The following ASH1L variants were observed in gnomAD, a reference collection of about 807,000 sequenced individuals.
The protein encoded by ASH1L is histone-lysine N-methyltransferase ASH1L.
Under a neutral mutation model 269.0 loss-of-function variants are expected in ASH1L, and 23 were observed. The ratio of observed to expected loss-of-function variants is 0.09; its 90% CI spans 0.06 to 0.12. The LOEUF (loss-of-function observed/expected upper bound fraction) is 0.12, where lower values mean the gene tolerates loss of function less well. Ranked by LOEUF, ASH1L falls within the 10% of genes least tolerant of loss-of-function variation. ASH1L has a pLI of 1.00. For synonymous variants in ASH1L, 1,187 were observed against 1,253.5 expected, an observed-to-expected ratio of 0.95 and a Z score of 1.12; for missense variants, 2,912 against 3,567.8, an observed-to-expected ratio of 0.82 and a Z score of 4.68.
chr1:155,543,822 C>G (rs953249516), intron 1 of ASH1L, among the ~76,000 whole-genome samples: 18 of 151,930 alleles, frequency 1.2e-4, no homozygotes, highest in African/African-American at 4.1e-4. Context: ...GTCCCAGCTA[C>G]TTGGCAGGGG....
chr1:155,476,804 C>T (rs1341120985), intron 3 of ASH1L, among the ~76,000 whole-genome samples: 2 of 152,014 alleles, frequency 1.3e-5, no homozygotes, highest in Non-Finnish European at 2.9e-5. Flanking sequence ...CCGCCCACCT[C>T]GGCCTCCCAA....
intron 7 of ASH1L, among the ~76,000 whole-genome samples, chr1:155,387,907 G>A (rs541981736): frequency 1.3e-5 from 2 of 152,162 alleles, no homozygotes; most frequent in Non-Finnish European, 2.9e-5. Context: ...TTGTGAATGA[G>A]AGTTCAATCA....
At chr1:155,458,721 C>A (rs896497667) in intron 4 of ASH1L, among the ~76,000 whole-genome samples, 1 of 146,616 alleles carries the variant, frequency 6.8e-6, no homozygotes, top group Non-Finnish European at 1.5e-5. Flanking sequence ...ATCTCAAAAC[C>A]AACCAACCAA....
intron 1 of ASH1L, among the ~76,000 whole-genome samples, chr1:155,526,906 T>C (rs1669299535): frequency 6.6e-6 from 1 of 152,178 alleles, no homozygotes; most frequent in African/African-American, 2.4e-5. Context: ...ATATCTCTCA[T>C]GGAAGAAAAT....
chr1:155,523,892 T>C (rs1230822346), intron 1 of ASH1L, among the ~76,000 whole-genome samples: 2 of 152,118 alleles, frequency 1.3e-5, no homozygotes, highest in East Asian at 3.9e-4. Flanking sequence ...TTAGTAGTAG[T>C]AGGAGCAGCA....
intron 17 of ASH1L, among the ~76,000 whole-genome samples, chr1:155,350,568 A>G (rs1653808005): frequency 6.6e-6 from 1 of 152,192 alleles, no homozygotes; most frequent in South Asian, 2.1e-4. Context: ...AATAGCAAAA[A>G]GAATATCTTA....
intron 3 of ASH1L, among the ~76,000 whole-genome samples, chr1:155,474,127 C>T (rs1166090379): frequency 6.6e-6 from 1 of 152,076 alleles, no homozygotes; most frequent in East Asian, 1.9e-4. Context: ...AGCCATTGTG[C>T]CTGGTCTAGT....
chr1:155,349,478 G>A lies in ASH1L; in HGVS notation c.7422-19C>T, dbSNP rs753975512. 6 of 1,613,876 alleles carry A rather than the reference G, an allele frequency of 3.7e-6. No individual in the cohort carries two copies. In the South Asian group the frequency reaches 5.5e-5, roughly 15 times the overall value. On this transcript the variant is annotated intron_variant, in intron 18 of 27. Transcript: ENST00000392403. ...AGCATTCCTGGAACACAAAGCCAGG[G>A]TGTCAATCTGGCACACTTAGCACTT...
intron 1 of ASH1L, among the ~76,000 whole-genome samples, chr1:155,538,824 T>C (rs771982480): frequency 3.3e-5 from 5 of 152,052 alleles, no homozygotes; most frequent in Admixed American, 1.3e-4. Context: ...CTAGATTCTT[T>C]CCCTGTGTAA....
At chr1:155,455,850 G>A (rs367569445) in intron 4 of ASH1L, among the ~76,000 whole-genome samples, 2 of 152,292 alleles carry the variant, frequency 1.3e-5, no homozygotes, top group Non-Finnish European at 2.9e-5. Context: ...GTAAGAGCTT[G>A]TGGTCAGGAA....
chr1:155,365,799 G>T (rs1250335139), intron 12 of ASH1L, among the ~76,000 whole-genome samples: 2 of 152,102 alleles, frequency 1.3e-5, no homozygotes, highest in Non-Finnish European at 2.9e-5. Context: ...CCTTTTGTCA[G>T]AACTATGAAT....
intron 15 of ASH1L, among the ~76,000 whole-genome samples, chr1:155,356,003 T>A (rs905406319): frequency 6.6e-6 from 1 of 151,350 alleles, no homozygotes; most frequent in Non-Finnish European, 1.5e-5. Context: ...AATGGCGTGA[T>A]CTTGGTTCAC....
intron 3 of ASH1L, among the ~76,000 whole-genome samples, chr1:155,465,745 A>AT (rs1237276002): frequency 1.3e-5 from 2 of 152,236 alleles, no homozygotes; most frequent in Non-Finnish European, 2.9e-5. Context: ...CTGAACCAAA[A>AT]TTGGTTGTAA....
intron 1 of ASH1L, among the ~76,000 whole-genome samples, chr1:155,539,170 T>C (rs905681113): frequency 1.3e-5 from 2 of 152,230 alleles, no homozygotes; most frequent in East Asian, 3.9e-4. Context: ...TTTTTTGAGA[T>C]GGAGTCTCAC....
intron 4 of ASH1L, among the ~76,000 whole-genome samples, chr1:155,458,576 G>C (rs765337510): frequency 4.6e-5 from 7 of 152,118 alleles, no homozygotes; most frequent in Non-Finnish European, 1.0e-4. Context: ...TATTAGCCGG[G>C]TATCATGGTG....
intron 1 of ASH1L, among the ~76,000 whole-genome samples, chr1:155,554,876 T>G (rs571194231): frequency 1.2e-4 from 19 of 152,182 alleles, no homozygotes; most frequent in African/African-American, 4.6e-4. Context: ...GTGTGGTGGC[T>G]CACACCTGTA....
intron 6 of ASH1L, among the ~76,000 whole-genome samples, chr1:155,402,779 C>A (rs1411843369): frequency 6.6e-6 from 1 of 151,970 alleles, no homozygotes; most frequent in Non-Finnish European, 1.5e-5. Flanking sequence ...GTCTCAAACT[C>A]CTGGCCTCAA....
At chr1:155,461,161 C>T (rs1664271152) in intron 3 of ASH1L, among the ~76,000 whole-genome samples, 1 of 152,144 alleles carries the variant, frequency 6.6e-6, no homozygotes, top group Non-Finnish European at 1.5e-5. Flanking sequence ...AAGTTCACTC[C>T]TAAAAGAAGA....
intron 21 of ASH1L, chr1:155,345,975 G>A: frequency 2.7e-6 from 1 of 364,340 alleles, no homozygotes; most frequent in Non-Finnish European, 5.2e-6. Flanking sequence ...GAGACTTCAG[G>A]TGCACGCCTC....
Sources: gnomAD v4.1 joint callset for allele counts (sites outside exome capture counted in the v4.1 genomes callset) on GRCh38, gnomAD v4.1.1 for gene constraint, MANE v1.5 for transcripts, NCBI Gene and HGNC (gene_info 2026-07-23, HGNC 2026-07-21) for gene names.